The following GJB7 variants were observed in gnomAD, a reference collection of about 807,000 sequenced individuals.
GJB7 encodes the protein gap junction protein beta 7.
For synonymous variants in GJB7, 87 were observed against 95.2 expected (o/e 0.91, Z 0.50); for missense variants, 253 against 256.8 (o/e 0.99, Z 0.10).
chr6:87,304,243 G>T lies in GJB7; in HGVS notation c.-28+18623C>A, dbSNP rs929210343. 4.6e-5 allele frequency among the ~76,000 whole-genome samples: 7 copies of T among 152,198 alleles called. No homozygotes were observed. The East Asian group carries it at 1.3e-3, about 29-fold the overall frequency. On this transcript the variant is annotated intron_variant, in intron 2 of 2. Transcript: ENST00000525899. ...AAAAAATCAATGAATCCAGGAGCTG[G>T]TTTTTTGAAAAGATCAACAAAATTG... is the stretch of plus-strand genomic sequence containing the variant.
At chr6:87,306,232 G>T (rs1002175589) in intron 2 of GJB7, among the ~76,000 whole-genome samples, 3 of 152,114 alleles carry the variant, frequency 2.0e-5, no homozygotes, top group Admixed American at 2.0e-4. Context: ...CCGTCAGAGT[G>T]AATAGGCAAC....
At chr6:87,291,404 A>G (rs191689753) in intron 2 of GJB7, among the ~76,000 whole-genome samples, 1 of 152,324 alleles carries the variant, frequency 6.6e-6, no homozygotes, top group Non-Finnish European at 1.5e-5. Context: ...ACACATGTGC[A>G]TACACACCAC....
At position 87,297,312 on chromosome 6, in the gene GJB7, G is replaced by A. The variant is rs569373138; in HGVS notation, c.-27-12373C>T. ...CTCCCACTGTGCTGACTCACCCAAT[G>A]TTGTAACCAAAGGAGCAGAGATCAA... On this transcript the variant is annotated intron_variant, in intron 2 of 2. Transcript: ENST00000525899. Among the ~76,000 whole-genome samples, 32 of 152,322 alleles carry A rather than the reference G, an allele frequency of 2.1e-4. No individual in the cohort carries two copies. In the South Asian group the frequency reaches 4.1e-3, roughly 20 times the overall value.
chr6:87,308,311 C>G (rs6930411), intron 2 of GJB7, among the ~76,000 whole-genome samples: 15,548 of 152,110 alleles, frequency 0.1, 842 homozygotes, highest in East Asian at 0.13. Context: ...ACCAACATGG[C>G]ACATGTATAC....
At chr6:87,322,679 A>AG (rs1277036053) in intron 2 of GJB7, 187 bp downstream of exon 2, 6 of 151,588 alleles carry the variant, frequency 4.0e-5, no homozygotes, top group African/African-American at 1.5e-4. Context: ...GCCGGCCTGG[A>AG]GGGGCCAGGG....
At chr6:87,319,034 C>T (rs1352670112) in intron 2 of GJB7, among the ~76,000 whole-genome samples, 1 of 152,174 alleles carries the variant, frequency 6.6e-6, no homozygotes, top group Non-Finnish European at 1.5e-5. Flanking sequence ...AGTGTTGTTC[C>T]CAGAGCACAC....
At chr6:87,296,508 T>C (rs1348642996) in intron 2 of GJB7, among the ~76,000 whole-genome samples, 1 of 152,260 alleles carries the variant, frequency 6.6e-6, no homozygotes, top group South Asian at 2.1e-4. Flanking sequence ...ATTGCAACTA[T>C]ATCTTCATTA....
chr6:87,319,890 T>G (rs1018765274), intron 2 of GJB7, among the ~76,000 whole-genome samples: 3 of 152,212 alleles, frequency 2.0e-5, no homozygotes, highest in African/African-American at 7.2e-5. Flanking sequence ...GGACATTATT[T>G]TCAGTGAAAT....
rs1776248773 is a variant in GJB7, at chr6:87,296,248, CA to C, written c.-27-11310del. ...GGATGTTAATGCAGGTGTTGGGAAA[CA>C]AACAAAAAATTGATCTCCACCAACT... On this transcript the variant is annotated intron_variant, in intron 2 of 2. Coordinates refer to ENST00000525899, the MANE Select transcript of GJB7 (RefSeq NM_198568.3). 2.0e-5 allele frequency among the ~76,000 whole-genome samples: 3 copies of C among 152,202 alleles called. No individual in the cohort carries two copies. In the South Asian group the frequency reaches 6.2e-4, roughly 32 times the overall value.
At chr6:87,301,828 A>T (rs536187148) in intron 2 of GJB7, among the ~76,000 whole-genome samples, 1 of 152,322 alleles carries the variant, frequency 6.6e-6, no homozygotes, top group African/African-American at 2.4e-5. Context: ...CTCTGAGACG[A>T]AGCTTCCAGA....
chr6:87,325,979 C>G (rs1007722809), intron 1 of GJB7, among the ~76,000 whole-genome samples: 1 of 152,192 alleles, frequency 6.6e-6, no homozygotes, highest in Non-Finnish European at 1.5e-5. Context: ...TCAACTTCTT[C>G]CTAGTTTAGT....
chr6:87,285,924 G>A (rs1435937400), intron 2 of GJB7, among the ~76,000 whole-genome samples: 1 of 152,130 alleles, frequency 6.6e-6, no homozygotes, highest in East Asian at 1.9e-4. Context: ...CTGGACACTT[G>A]GATTTTATGT....
At chr6:87,301,981 A>C (rs1020027657) in intron 2 of GJB7, among the ~76,000 whole-genome samples, 2 of 152,262 alleles carry the variant, frequency 1.3e-5, no homozygotes, top group African/African-American at 4.8e-5. Context: ...AACTGTCAGA[A>C]GGAAAACTAA....
intron 2 of GJB7, among the ~76,000 whole-genome samples, chr6:87,318,804 T>C (rs1776619060): frequency 6.6e-6 from 1 of 152,226 alleles, no homozygotes; most frequent in East Asian, 1.9e-4. Flanking sequence ...CAGATATCCT[T>C]GGCTCACATT....
chr6:87,307,509 G>A (rs1776450409), intron 2 of GJB7, among the ~76,000 whole-genome samples: 1 of 152,024 alleles, frequency 6.6e-6, no homozygotes. Context: ...AATCTACAAG[G>A]AACTCCAACA....
intron 2 of GJB7, among the ~76,000 whole-genome samples, chr6:87,306,616 G>A (rs554782683): frequency 1.0e-3 from 158 of 152,144 alleles, no homozygotes; most frequent in Non-Finnish European, 1.9e-3. Flanking sequence ...AGTCAGTGTG[G>A]CGATTCCTCA....
Position 87,284,561 on chromosome 6 carries a change from C to G in GJB7, c.352G>C (p.Gly118Arg). The G allele has an allele frequency of 1.9e-6, 3 of 1,614,120 alleles. No homozygotes were observed. The highest frequency in any genetic ancestry group is 2.5e-6 in the Non-Finnish European group (3 of 1,179,970). Residue 118 changes from glycine (G) to arginine (R), a missense_variant, in exon 3 of 3, where the codon GGG becomes CGG. Transcript: ENST00000525899. ...KLYVSPGTMD[G>R]GLWYAYLISL... is the part of the protein sequence containing the mutation. ...ATAAGATAAGCGTACCATAGGCCCCCATCCATTGTACCTGGGCTGACATAG... is the reference window on the plus strand; with the variant it reads ...ATAAGATAAGCGTACCATAGGCCCCGATCCATTGTACCTGGGCTGACATAG...
At chr6:87,312,443 G>A (rs1370421745) in intron 2 of GJB7, among the ~76,000 whole-genome samples, 4 of 151,150 alleles carry the variant, frequency 2.6e-5, no homozygotes, top group Non-Finnish European at 5.9e-5. Flanking sequence ...CTCGCGAGGC[G>A]GAGGTTGCAG....
chr6:87,297,331 A>T (rs957958773), intron 2 of GJB7, among the ~76,000 whole-genome samples: 2 of 152,228 alleles, frequency 1.3e-5, no homozygotes, highest in African/African-American at 4.8e-5. Context: ...AAAGGAGCAG[A>T]GATCAATGTC....
Sources: gnomAD v4.1 joint callset for allele counts (sites outside exome capture counted in the v4.1 genomes callset) on GRCh38, gnomAD v4.1.1 for gene constraint, MANE v1.5 for transcripts, NCBI Gene and HGNC (gene_info 2026-07-23, HGNC 2026-07-21) for gene names.